Variants in SORCS1 observed in about 807,000 individuals in gnomAD.
The protein encoded by SORCS1 is sortilin related VPS10 domain containing receptor 1, also known as VPS10 domain-containing receptor SorCS1.
SORCS1 carries 60 observed loss-of-function variants against 146.1 expected under a neutral mutation model. The observed-to-expected ratio is 0.41, with a 90% CI of 0.33 to 0.51. The LOEUF (loss-of-function observed/expected upper bound fraction) is 0.51. SORCS1 is among the 20% of genes least tolerant of loss of function. SORCS1 has a pLI of 0.21. For missense variants in SORCS1, 1,352 were observed against 1,487.6 expected, an observed-to-expected ratio of 0.91 and a Z score of 1.50; for synonymous variants, 637 against 584.0, an observed-to-expected ratio of 1.09 and a Z score of -1.31.
At chr10:107,065,471 TC>T (rs1388410479) in intron 1 of SORCS1, among the ~76,000 whole-genome samples, 1,019 of 59,568 alleles carry the variant, frequency 0.017, 25 homozygotes, top group African/African-American at 0.062. Flanking sequence ...TCTCTCCCTC[TC>T]CTCTCCTCTC....
intron 3 of SORCS1, among the ~76,000 whole-genome samples, chr10:106,815,507 G>A (rs1444000249): frequency 6.6e-6 from 1 of 152,158 alleles, no homozygotes; most frequent in Non-Finnish European, 1.5e-5. Flanking sequence ...AAGCCAAATG[G>A]TTTGGGTTTG....
intron 1 of SORCS1, among the ~76,000 whole-genome samples, chr10:107,052,188 CCCTGTGGAGGCCTG>C (rs1960185231): frequency 6.6e-6 from 1 of 152,126 alleles, no homozygotes; most frequent in South Asian, 2.1e-4. Flanking sequence ...TTCTGGACTT[CCCTGTGGAGGCCTG>C]CTGGCTACTT....
intron 2 of SORCS1, among the ~76,000 whole-genome samples, chr10:106,898,640 G>A (rs1246555675): frequency 1.3e-5 from 2 of 152,180 alleles, no homozygotes; most frequent in African/African-American, 2.4e-5. Context: ...GATGTAGGTG[G>A]TGTGGCTGAC....
At chr10:106,673,135 A>ATT in intron 14 of SORCS1, 150 bp from the exon 15 acceptor site, 1 of 502,384 alleles carries the variant, frequency 2.0e-6, no homozygotes, top group Non-Finnish European at 3.2e-6. Flanking sequence ...TGAAGAGGGT[A>ATT]CTTTTTTTTT....
chr10:107,126,162 C>T (rs1163203548), intron 1 of SORCS1, among the ~76,000 whole-genome samples: 1 of 152,112 alleles, frequency 6.6e-6, no homozygotes, highest in Non-Finnish European at 1.5e-5. Flanking sequence ...TAATCCTTTT[C>T]ATTTTAGGCT....
At chr10:106,816,427 C>A (rs371392631) in intron 3 of SORCS1, among the ~76,000 whole-genome samples, 3 of 152,240 alleles carry the variant, frequency 2.0e-5, no homozygotes, top group Non-Finnish European at 4.4e-5. Context: ...GGGCTCAGTG[C>A]CTGATGTCCC....
At chr10:107,093,860 CTCTTGTAACTTTA>C (rs1180164116) in intron 1 of SORCS1, among the ~76,000 whole-genome samples, 1 of 152,134 alleles carries the variant, frequency 6.6e-6, no homozygotes, top group African/African-American at 2.4e-5. Context: ...TCTGCTCCAG[CTCTTGTAACTTTA>C]TCTTCTTGCT....
intron 5 of SORCS1, among the ~76,000 whole-genome samples, chr10:106,742,360 C>T (rs1205642717): frequency 6.6e-6 from 1 of 151,516 alleles, no homozygotes; most frequent in Non-Finnish European, 1.5e-5. Flanking sequence ...ACACCTTGTA[C>T]ATATAGCCAG....
intron 1 of SORCS1, among the ~76,000 whole-genome samples, chr10:107,037,035 C>T (rs1368279885): frequency 4.6e-5 from 7 of 151,536 alleles, no homozygotes; most frequent in Non-Finnish European, 1.0e-4. Flanking sequence ...CATCTGAGGT[C>T]GGGAGTTTGA....
intron 5 of SORCS1, among the ~76,000 whole-genome samples, chr10:106,745,756 G>C (rs1404764264): frequency 6.6e-6 from 1 of 152,128 alleles, no homozygotes; most frequent in Non-Finnish European, 1.5e-5. Flanking sequence ...GGAGAAATCT[G>C]GGAGCTTCCA....
At position 106,627,734 on chromosome 10, in the gene SORCS1, AT is replaced by A. The variant is rs1161674103; in HGVS notation, c.2662+1467del. ...CACACTGCTTCTAACCAAAATGTTTATGTTTCTTCAAGATGATCTGTAAAGA... is the reference window on the plus strand; with the variant it reads ...CACACTGCTTCTAACCAAAATGTTTAGTTTCTTCAAGATGATCTGTAAAGA... On this transcript the variant is annotated intron_variant, in intron 19 of 25. Coordinates refer to ENST00000263054, the MANE Select transcript of SORCS1 (RefSeq NM_052918.5). Among the ~76,000 whole-genome samples, 4 of 152,290 alleles carry A rather than the reference AT, an allele frequency of 2.6e-5. No individual in the cohort carries two copies. The East Asian group carries it at 7.7e-4, about 29-fold the overall frequency.
At chr10:106,800,762 C>T (rs1407875708) in intron 3 of SORCS1, among the ~76,000 whole-genome samples, 3 of 151,922 alleles carry the variant, frequency 2.0e-5, no homozygotes, top group Admixed American at 6.6e-5. Flanking sequence ...AGGATGGTCT[C>T]GATCTCCTGA....
intron 9 of SORCS1, among the ~76,000 whole-genome samples, chr10:106,689,058 A>G (rs1853099880): frequency 6.6e-6 from 1 of 152,196 alleles, no homozygotes; most frequent in Non-Finnish European, 1.5e-5. Flanking sequence ...ATTTAAATAA[A>G]TGGTGATTTC....
At chr10:107,050,516 CTATT>C (rs1221713965) in intron 1 of SORCS1, among the ~76,000 whole-genome samples, 1 of 152,198 alleles carries the variant, frequency 6.6e-6, no homozygotes, top group Non-Finnish European at 1.5e-5. Flanking sequence ...TAATGGCACT[CTATT>C]TAGGCTTTAT....
chr10:106,870,098 AC>A (rs1950351562), intron 2 of SORCS1, among the ~76,000 whole-genome samples: 1 of 152,190 alleles, frequency 6.6e-6, no homozygotes, highest in Admixed American at 6.6e-5. Context: ...CACAACTGCC[AC>A]AAAAAGGATA....
intron 23 of SORCS1, among the ~76,000 whole-genome samples, chr10:106,606,324 C>T (rs926453575): frequency 1.4e-5 from 2 of 145,168 alleles, no homozygotes; most frequent in South Asian, 4.6e-4. Context: ...CACACACACT[C>T]AAATGCTCCA....
intron 17 of SORCS1, among the ~76,000 whole-genome samples, chr10:106,661,179 C>A (rs768330047): frequency 3.3e-5 from 5 of 151,948 alleles, no homozygotes; most frequent in African/African-American, 4.8e-5. Flanking sequence ...TTATAGATAC[C>A]GAAAGAGAAA....
At position 106,768,365 on chromosome 10, in the gene SORCS1, G is replaced by A. The variant is rs112905637; in HGVS notation, c.886-6704C>T. ...CTTTTAACTTAATGCAGTGCCTTGG[G>A]GAAACATGATGGCATTAGGTAGATA... On this transcript the variant is annotated intron_variant, in intron 4 of 25. Transcript: ENST00000263054. 9.2e-3 allele frequency among the ~76,000 whole-genome samples: 1,402 copies of A among 152,166 alleles called. 22 individuals carry two copies. The highest frequency in any genetic ancestry group is 0.032 in the African/African-American group (1,333 of 41,498).
chr10:107,005,340 G>A (rs1486050300), intron 1 of SORCS1, among the ~76,000 whole-genome samples: 1 of 150,874 alleles, frequency 6.6e-6, no homozygotes, highest in East Asian at 2.0e-4. Context: ...GGGGGCGGGG[G>A]GTAGGGATGG....
Sources: gnomAD v4.1 joint callset for allele counts (sites outside exome capture counted in the v4.1 genomes callset) on GRCh38, gnomAD v4.1.1 for gene constraint, MANE v1.5 for transcripts, NCBI Gene and HGNC (gene_info 2026-07-23, HGNC 2026-07-21) for gene names.